Variants in ABCA12 observed in about 807,000 individuals in gnomAD.
ABCA12 encodes ATP binding cassette subfamily A member 12, also known as glucosylceramide transporter ABCA12.
A neutral mutation model predicts 293.5 loss-of-function variants in ABCA12; 156 were observed. That is an observed-to-expected ratio of 0.53 (90% confidence interval 0.47 to 0.61). The LOEUF (loss-of-function observed/expected upper bound fraction) is 0.61, where lower values mean the gene tolerates loss of function less well. ABCA12 is among the 20% of genes least tolerant of loss of function. The pLI is 0.00. For missense variants in ABCA12, 2,797 were observed against 3,090.2 expected, an observed-to-expected ratio of 0.91 and a Z score of 2.25; for synonymous variants, 1,063 against 1,108.0, an observed-to-expected ratio of 0.96 and a Z score of 0.81.
intron 2 of ABCA12, among the ~76,000 whole-genome samples, chr2:215,083,770 G>T (rs1194730660): frequency 6.6e-6 from 1 of 151,966 alleles, no homozygotes; most frequent in Non-Finnish European, 1.5e-5. Context: ...CTTTATCTTG[G>T]GTATTCAATT....
chr2:215,061,940 C>T (rs982447282), intron 3 of ABCA12, among the ~76,000 whole-genome samples: 1 of 151,994 alleles, frequency 6.6e-6, no homozygotes, highest in African/African-American at 2.4e-5. Flanking sequence ...TTCTTAGATA[C>T]TGTTAATTAT....
chr2:214,989,688 A>G, intron 24 of ABCA12, 67 bp from the exon 25 acceptor site: 1 of 1,541,330 alleles, frequency 6.5e-7, no homozygotes. Context: ...GAGGTATCCT[A>G]AAATACTTAA....
chr2:214,956,602 T>C, intron 42 of ABCA12, 61 bp downstream of exon 42: 1 of 1,235,326 alleles, frequency 8.1e-7, no homozygotes, highest in Middle Eastern at 1.9e-4. Flanking sequence ...TTAAGTCCTA[T>C]TTGTGTCTAG....
chr2:214,942,427 A>G (rs1559103607), intron 50 of ABCA12, among the ~76,000 whole-genome samples: 1 of 152,212 alleles, frequency 6.6e-6, no homozygotes, highest in Non-Finnish European at 1.5e-5. Context: ...ATTAAATTTG[A>G]TAGTAGTATG....
intron 1 of ABCA12, among the ~76,000 whole-genome samples, chr2:215,130,749 T>C (rs1196308035): frequency 6.6e-6 from 1 of 152,178 alleles, no homozygotes; most frequent in African/African-American, 2.4e-5. Flanking sequence ...TCTTGCCTGA[T>C]AGCTCTAGCT....
chr2:214,980,521 A>G lies in ABCA12; in HGVS notation c.4702T>C (p.Phe1568Leu). The G allele has an allele frequency of 6.2e-7, 1 of 1,613,944 alleles. No individual in the cohort carries two copies. The highest frequency in any genetic ancestry group is 1.1e-5 in the South Asian group (1 of 91,070). ...CGSPFYLKEA[F>L]GDGYHLTLTK... ...AGCGTGAGGTGATACCCATCGCCAA[A>G]GGCTTCCTTGAGGTAAAATGGGGAC... The change falls in exon 31 of 53, where the codon TTT (phenylalanine) becomes CTT (leucine). Residue 1568 changes from phenylalanine to leucine, a missense_variant. Physicochemically the swap from Phe to Leu is conservative, Grantham distance 22. Coordinates refer to ENST00000272895, the MANE Select transcript of ABCA12 (RefSeq NM_173076.3).
chr2:215,042,557 T>G (rs1442575690), intron 7 of ABCA12, among the ~76,000 whole-genome samples: 1 of 152,122 alleles, frequency 6.6e-6, no homozygotes, highest in East Asian at 1.9e-4. Context: ...TCTTGTAAGT[T>G]TTATTTTATT....
chr2:215,107,702 G>C (rs967819865), intron 2 of ABCA12, among the ~76,000 whole-genome samples: 1 of 152,272 alleles, frequency 6.6e-6, no homozygotes, highest in Middle Eastern at 3.4e-3. Flanking sequence ...AATCCTTTAC[G>C]TCACTAATTA....
At chr2:215,000,270 T>G (rs111643376) in intron 22 of ABCA12, among the ~76,000 whole-genome samples, 39 of 152,228 alleles carry the variant, frequency 2.6e-4, no homozygotes, top group Non-Finnish European at 5.4e-4. Context: ...TTTTATCAAT[T>G]TGTTTTCTTA....
rs926127626 is a variant in ABCA12, at chr2:214,978,892, G to A, written c.4889C>T (p.Ala1630Val). 6.2e-7 allele frequency: 1 copy of A among 1,614,004 alleles called. No homozygotes were observed. The highest frequency in any genetic ancestry group is 8.5e-7 in the Non-Finnish European group (1 of 1,179,976). Residue 1630 changes from alanine to valine, a missense_variant, in exon 32 of 53, where the codon GCC (alanine) becomes GTC (valine). Coordinates refer to ENST00000272895, the MANE Select transcript of ABCA12 (RefSeq NM_173076.3). ...GAGTGCCCGTAGGAGTGACAGGTAGGCCCCTGAGACTTTGGTGCTGAATGG... is the reference window on the plus strand; with the variant it reads ...GAGTGCCCGTAGGAGTGACAGGTAGACCCCTGAGACTTTGGTGCTGAATGG... ...LPPFSTKVSG[A>V]YLSLLRALDN...
At chr2:215,106,299 A>C (rs1210546647) in intron 2 of ABCA12, among the ~76,000 whole-genome samples, 1 of 151,702 alleles carries the variant, frequency 6.6e-6, no homozygotes, top group African/African-American at 2.4e-5. Flanking sequence ...CCTCCTTCTC[A>C]CATTTTTTTT....
At chr2:215,051,647 T>TGTGTGTGTGTGG (rs1559167760) in intron 5 of ABCA12, among the ~76,000 whole-genome samples, 1 of 147,750 alleles carries the variant, frequency 6.8e-6, no homozygotes, top group Non-Finnish European at 1.5e-5. Context: ...TGTGTGTGTG[T>TGTGTGTGTGTGG]GAAGGTGATG....
At chr2:215,009,614 T>C (rs960791376) in intron 18 of ABCA12, among the ~76,000 whole-genome samples, 1 of 152,180 alleles carries the variant, frequency 6.6e-6, no homozygotes, top group Non-Finnish European at 1.5e-5. Flanking sequence ...AGAGATTAAA[T>C]TGAATATTCT....
chr2:215,097,547 C>A (rs1410824341), intron 2 of ABCA12, among the ~76,000 whole-genome samples: 1 of 152,080 alleles, frequency 6.6e-6, no homozygotes, highest in Non-Finnish European at 1.5e-5. Flanking sequence ...CAGCTGGGTG[C>A]TAGAAATCTA....
In ABCA12 at chr2:214,937,592, T is replaced by C; in HGVS notation, c.7460A>G (p.Lys2487Arg). The C allele has an allele frequency of 6.2e-7, 1 of 1,613,918 alleles. No individual in the cohort carries two copies. The highest frequency in any genetic ancestry group is 1.1e-5 in the South Asian group (1 of 91,082). The change falls in exon 51 of 53, where the codon AAA (lysine) becomes AGA (arginine). Residue 2487 changes from lysine (K) to arginine (R), a missense_variant. Physicochemically the swap from Lys to Arg is conservative, Grantham distance 26. This residue lies in a region of ABCA12 where 2,130 missense variants were observed against 2,427.0 expected (regional missense o/e 0.88). Transcript: ENST00000272895. The part of the protein sequence containing the change: ...KSRFGRGFTV[K>R]VHLKNNKVTM... ...CACTTTGTTATTCTTCAAGTGAACT[T>C]TGACAGTAAATCCTCGTCCAAACCT...
chr2:215,098,202 C>T (rs144212525), intron 2 of ABCA12, among the ~76,000 whole-genome samples: 2 of 152,254 alleles, frequency 1.3e-5, no homozygotes, highest in East Asian at 3.9e-4. Flanking sequence ...CAACACAACT[C>T]AAATGGGAGG....
intron 7 of ABCA12, among the ~76,000 whole-genome samples, chr2:215,039,759 A>AAAATAAATAAAT (rs79648313): frequency 1.3e-5 from 2 of 151,048 alleles, no homozygotes; most frequent in East Asian, 2.0e-4. Context: ...CTTCTCACAA[A>AAAATAAATAAAT]AAATAAATAA....
Position 214,966,515 on chromosome 2 carries a change from G to T in ABCA12, c.5884+333C>A, listed in dbSNP as rs1699262851. Among the ~76,000 whole-genome samples, 3 of 152,120 alleles carry T rather than the reference G, an allele frequency of 2.0e-5. No homozygotes were observed. The South Asian group carries it at 6.2e-4, about 32-fold the overall frequency. ...TGAACAGTATTTGTAAACATTAATT[G>T]TTTTTAAAAATTGTTTAGCCTATAG... On this transcript the variant is annotated intron_variant, in intron 39 of 52. Transcript: ENST00000272895.
rs536551403 is a variant in ABCA12 at position 214,995,728 on chromosome 2, A to C, written c.3294+1967T>G. On this transcript the variant is annotated intron_variant, in intron 23 of 52. Coordinates refer to ENST00000272895, the MANE Select transcript of ABCA12 (RefSeq NM_173076.3). Reference sequence around the variant, plus strand: ...AAACACACTGTATTTCTTTGAATTTAGAACACATTGAGGATGTGCCACTAT... The same window carrying C: ...AAACACACTGTATTTCTTTGAATTTCGAACACATTGAGGATGTGCCACTAT... Among the ~76,000 whole-genome samples the C allele has an allele frequency of 7.9e-5, 12 of 152,330 alleles. No homozygotes were observed. In the South Asian group the frequency reaches 2.5e-3, roughly 32 times the overall value.
Sources: gnomAD v4.1 joint callset for allele counts (sites outside exome capture counted in the v4.1 genomes callset) on GRCh38, gnomAD v4.1.1 for gene constraint, gnomAD v4.1.1 regional missense constraint, MANE v1.5 for transcripts, NCBI Gene and HGNC (gene_info 2026-07-23, HGNC 2026-07-21) for gene names.